IQCH: variants seen among roughly 807,000 people sequenced by gnomAD.
The protein encoded by IQCH is IQ motif containing H, also known as IQ domain-containing protein H.
Under a neutral mutation model 117.0 loss-of-function variants are expected in IQCH, and 98 were observed. The observed-to-expected ratio is 0.84, with a 90% CI of 0.71 to 0.99. The LOEUF is 0.99. Among genes scored for constraint, IQCH ranks in the 50% least tolerant of loss-of-function variants. The pLI is 0.00. For synonymous variants in IQCH, 412 were observed against 448.2 expected (o/e 0.92, Z 1.02); for missense variants, 1,102 against 1,243.8 (o/e 0.89, Z 1.72).
Position 67,408,994 on chromosome 15 carries a change from C to G in IQCH, c.2098-7937C>G, listed in dbSNP as rs2081374743. 6.6e-6 allele frequency among the ~76,000 whole-genome samples: 1 copy of G among 152,170 alleles called. No individual in the cohort carries two copies. On this transcript the variant is annotated intron_variant, in intron 14 of 20. Coordinates refer to ENST00000335894, the MANE Select transcript of IQCH (RefSeq NM_001031715.3). This position sits in a 1 kb window ranked among gnomAD's most constrained non-coding sequence, Gnocchi z 4.2. ...CAATGTTAAAAACGTTTCTAAAACA[C>G]CAGTCACTTGCTGCTGTAACTACTT...
intron 18 of IQCH, among the ~76,000 whole-genome samples, chr15:67,478,565 G>T (rs1371991731): frequency 1.3e-5 from 2 of 152,086 alleles, no homozygotes; most frequent in African/African-American, 2.4e-5. Flanking sequence ...GATAAGAGAA[G>T]AGAGAGGAGA....
At chr15:67,497,281 T>C (rs1210943423) in intron 20 of IQCH, among the ~76,000 whole-genome samples, 5 of 150,952 alleles carry the variant, frequency 3.3e-5, no homozygotes. Flanking sequence ...CAGTGAGCCA[T>C]GATCTGCACT....
chr15:67,315,850 C>T (rs1429493846), intron 4 of IQCH, among the ~76,000 whole-genome samples: 1 of 152,076 alleles, frequency 6.6e-6, no homozygotes, highest in Non-Finnish European at 1.5e-5. Flanking sequence ...TAAGGGGTGG[C>T]ACATCTCCTT....
At chr15:67,264,615 A>T (rs538301152) in intron 3 of IQCH, among the ~76,000 whole-genome samples, 95 of 152,258 alleles carry the variant, frequency 6.2e-4, no homozygotes, top group African/African-American at 2.2e-3. Context: ...AGTGCCCTAG[A>T]TGGAAGCCAC....
chr15:67,277,304 A>C (rs1450098589), intron 3 of IQCH, among the ~76,000 whole-genome samples: 1 of 152,080 alleles, frequency 6.6e-6, no homozygotes, highest in Admixed American at 6.6e-5. Context: ...GGCATAGCTG[A>C]ATCTGGTTCT....
At position 67,369,548 on chromosome 15, in the gene IQCH, GGAAGGAAGAAAAGGAAGGAGGGAGGAAA is replaced by G. The variant is rs1970451903; in HGVS notation, c.754-2557_754-2530del. ...GGGAAAGAAGGGAAGGAGGGAGGGA[GGAAGGAAGAAAAGGAAGGAGGGAGGAAA>G]GAAGGCAGAGGAAAAGAAAAAGAAG... On this transcript the variant is annotated intron_variant, in intron 8 of 20. Transcript: ENST00000335894. This position sits in a 1 kb window ranked among gnomAD's most constrained non-coding sequence, Gnocchi z 5.2. Among the ~76,000 whole-genome samples the G allele has an allele frequency of 6.7e-6, 1 of 149,874 alleles. No individual in the cohort carries two copies. Among genetic ancestry groups the G allele is most frequent in the East Asian group, 2.0e-4 (1 of 5,086 alleles).
rs149327091 is a variant in IQCH at position 67,369,510 on chromosome 15, GAA to G, written c.754-2600_754-2599del. On this transcript the variant is annotated intron_variant, in intron 8 of 20. Coordinates refer to ENST00000335894, the MANE Select transcript of IQCH (RefSeq NM_001031715.3). This position sits in a 1 kb window ranked among gnomAD's most constrained non-coding sequence, Gnocchi z 5.2. ...GGAAGAGAAAAAGAAAAAAGAGAAA[GAA>G]GAGAGGGAAGGGGAAAGAAGGGAAG... Among the ~76,000 whole-genome samples, 56 of 47,436 alleles carry G rather than the reference GAA, an allele frequency of 1.2e-3. 1 individual carries two copies. The highest frequency in any genetic ancestry group is 2.2e-3 in the African/African-American group (33 of 15,150). The allele number at this position is 47,436 out of a possible 152,430, so 31.1% of individuals were successfully genotyped here.
Position 67,388,496 on chromosome 15 carries a change from A to G in IQCH, c.1457-335A>G, listed in dbSNP as rs1177923957. Among the ~76,000 whole-genome samples, 1 of 152,236 alleles carries G rather than the reference A, an allele frequency of 6.6e-6. No individual in the cohort carries two copies. Among genetic ancestry groups the G allele is most frequent in the African/African-American group, 2.4e-5 (1 of 41,468 alleles). On this transcript the variant is annotated intron_variant, in intron 11 of 20. Coordinates refer to ENST00000335894, the MANE Select transcript of IQCH (RefSeq NM_001031715.3). The surrounding 1 kb of genome is among the most constrained non-coding windows in gnomAD (Gnocchi z 5.5). ...TAATGGAATAAATTTTTAAAGCAGT[A>G]TGTGATTCCCATTGATGTTAATGGG... is the stretch of plus-strand genomic sequence containing the variant.
Position 67,407,233 on chromosome 15 carries a change from G to A in IQCH, c.2097+6928G>A, listed in dbSNP as rs957179612. The A allele has an allele frequency of 1.4e-4, 22 of 152,216 alleles. No individual in the cohort carries two copies. The highest frequency in any genetic ancestry group is 2.6e-4 in the Non-Finnish European group (18 of 68,028). 9.4% of individuals were successfully genotyped at this position (152,216 alleles called of 1,614,324 possible). On this transcript the variant is annotated intron_variant, in intron 14 of 20. Coordinates refer to ENST00000335894, the MANE Select transcript of IQCH (RefSeq NM_001031715.3). The surrounding 1 kb of genome is among the most constrained non-coding windows in gnomAD (Gnocchi z 5.3). ...AGTTCCATTTATTTGAACTTTCTAT[G>A]AGTTGAATAAAGAGGCTTGACAAAG...
chr15:67,347,391 A>G (rs1969445377), intron 6 of IQCH, among the ~76,000 whole-genome samples: 1 of 152,136 alleles, frequency 6.6e-6, no homozygotes, highest in Non-Finnish European at 1.5e-5. Context: ...AGAGAACATT[A>G]TAAACAACTT....
At chr15:67,272,838 A>G (rs956654075) in intron 3 of IQCH, among the ~76,000 whole-genome samples, 10 of 152,144 alleles carry the variant, frequency 6.6e-5, no homozygotes, top group African/African-American at 2.4e-4. Flanking sequence ...CAGGCAGCAT[A>G]TAGTTGGGTC....
intron 3 of IQCH, among the ~76,000 whole-genome samples, chr15:67,273,875 A>G (rs2140459979): frequency 6.6e-6 from 1 of 152,334 alleles, no homozygotes; most frequent in Non-Finnish European, 1.5e-5. Flanking sequence ...GAATTCACTC[A>G]GCTTTTGTCC....
chr15:67,327,905 A>G (rs1968484418), intron 4 of IQCH, among the ~76,000 whole-genome samples: 1 of 152,094 alleles, frequency 6.6e-6, no homozygotes, highest in Non-Finnish European at 1.5e-5. Context: ...CCCTATTTTC[A>G]GCTTTTATGA....
chr15:67,319,967 C>G (rs527575047), intron 4 of IQCH, among the ~76,000 whole-genome samples: 2 of 152,084 alleles, frequency 1.3e-5, no homozygotes, highest in Non-Finnish European at 2.9e-5. Flanking sequence ...TTTAATGGAC[C>G]GTATTTGAGG....
chr15:67,257,809 GTGTTAACACAAAAATCCAACAATTGTA>G (rs1333719657), intron 1 of IQCH, among the ~76,000 whole-genome samples: 1 of 152,186 alleles, frequency 6.6e-6, no homozygotes, highest in African/African-American at 2.4e-5. Context: ...CAACAATTGT[GTGTTAACACAAAAATCCAACAATTGTA>G]TGTTAACAAT....
chr15:67,392,170 CAT>C (rs1175056247), intron 12 of IQCH, among the ~76,000 whole-genome samples: 2 of 152,160 alleles, frequency 1.3e-5, no homozygotes, highest in Non-Finnish European at 2.9e-5. Flanking sequence ...GATTCAGTGA[CAT>C]GTGGATCAAA....
intron 7 of IQCH, among the ~76,000 whole-genome samples, chr15:67,358,657 G>C (rs2140742372): frequency 6.6e-6 from 1 of 152,308 alleles, no homozygotes; most frequent in South Asian, 2.1e-4. Flanking sequence ...ACAGAAAGGA[G>C]ACAGCTGGCA....
intron 18 of IQCH, among the ~76,000 whole-genome samples, chr15:67,482,760 T>C (rs2083372910): frequency 6.6e-6 from 1 of 152,118 alleles, no homozygotes; most frequent in African/African-American, 2.4e-5. Context: ...ATCTATAACC[T>C]AAGATGCTAC....
chr15:67,449,216 C>A (rs2082461801), intron 16 of IQCH, among the ~76,000 whole-genome samples: 1 of 152,154 alleles, frequency 6.6e-6, no homozygotes, highest in Non-Finnish European at 1.5e-5. Context: ...TGTGCAGAAG[C>A]TCCTGAGTTT....
Sources: allele counts gnomAD v4.1 joint callset (sites outside exome capture counted in the v4.1 genomes callset), GRCh38; gene constraint gnomAD v4.1.1; non-coding constraint Gnocchi (gnomAD v3.1); transcripts MANE v1.5; gene names NCBI Gene and HGNC (gene_info 2026-07-23, HGNC 2026-07-21).